Variants in ADGRL2 observed in about 807,000 individuals in gnomAD.
The protein encoded by ADGRL2 is calcium-independent alpha-latrotoxin receptor 2.
In ADGRL2, 44 loss-of-function variants were observed where a neutral mutation model predicts 157.4. That is an observed-to-expected ratio of 0.28 (90% confidence interval 0.22 to 0.36). The LOEUF is 0.36. Among genes scored for constraint, ADGRL2 ranks in the 10% least tolerant of loss-of-function variants. The probability of loss-of-function intolerance (pLI) is 1.00; values close to 1 mark genes in which losing one functional copy is unlikely to be tolerated. For missense variants in ADGRL2, 1,510 were observed against 1,768.9 expected (o/e 0.85, Z 2.63); for synonymous variants, 585 against 624.7 (o/e 0.94, Z 0.95).
Position 81,338,165 on chromosome 1 carries a change from C to A in ADGRL2, c.-302+31656C>A, listed in dbSNP as rs143399031. Among the ~76,000 whole-genome samples, 454 of 152,250 alleles carry A rather than the reference C, an allele frequency of 3.0e-3. 2 individuals carry two copies. Among genetic ancestry groups the A allele is most frequent in the Non-Finnish European group, 3.7e-3 (250 of 68,024 alleles). ...ATCACCTGAGGTCAGAAGTTCGCGA[C>A]CAGCCTGGACAACATGGCAAAATCC... is the stretch of plus-strand genomic sequence containing the variant. On this transcript the variant is annotated intron_variant, in intron 1 of 24. Transcript: ENST00000370721.
chr1:81,343,979 G>A (rs1256773663), intron 1 of ADGRL2, among the ~76,000 whole-genome samples: 1 of 152,104 alleles, frequency 6.6e-6, no homozygotes, highest in Non-Finnish European at 1.5e-5. Flanking sequence ...TAGTTTAAGG[G>A]AGTAAAACAC....
At chr1:81,338,005 ATT>A (rs1661775640) in intron 1 of ADGRL2, among the ~76,000 whole-genome samples, 1 of 152,138 alleles carries the variant, frequency 6.6e-6, no homozygotes, top group Non-Finnish European at 1.5e-5. Context: ...TAATATATAT[ATT>A]TGTTTTATAC....
rs143247021 is a variant in ADGRL2, at chr1:81,384,473, T to C, written c.-301-60563T>C. On this transcript the variant is annotated intron_variant, in intron 1 of 24. Transcript: ENST00000370721. ...ATAGAAAGGAGTGGGTATGTGAAGG[T>C]AGGAAAAAATATTTCTACTTTTCTC... is the stretch of plus-strand genomic sequence containing the variant. Among the ~76,000 whole-genome samples, 401 of 152,262 alleles carry C rather than the reference T, an allele frequency of 2.6e-3. 5 individuals carry two copies. Among genetic ancestry groups the C allele is most frequent in the Admixed American group, 0.022 (336 of 15,300 alleles).
chr1:81,384,234 C>G (rs1447306593), intron 1 of ADGRL2, among the ~76,000 whole-genome samples: 1 of 152,028 alleles, frequency 6.6e-6, no homozygotes, highest in Non-Finnish European at 1.5e-5. Context: ...GTTATGCAGC[C>G]CTTAAAAATG....
chr1:81,910,522 C>A (rs1557893402), intron 3 of ADGRL2, among the ~76,000 whole-genome samples: 1 of 151,466 alleles, frequency 6.6e-6, no homozygotes, highest in Non-Finnish European at 1.5e-5. Flanking sequence ...AATGATACCT[C>A]TTAACTGGAC....
intron 3 of ADGRL2, among the ~76,000 whole-genome samples, chr1:81,616,030 C>G (rs922287981): frequency 1.3e-5 from 2 of 151,722 alleles, no homozygotes; most frequent in African/African-American, 4.9e-5. Context: ...GCACTCAAGC[C>G]TCACCCTTCC....
At chr1:81,661,866 T>C (rs766056903) in intron 3 of ADGRL2, among the ~76,000 whole-genome samples, 5 of 152,164 alleles carry the variant, frequency 3.3e-5, no homozygotes, top group Non-Finnish European at 7.4e-5. Context: ...TCCCTAATGC[T>C]GCACCCCCAT....
chr1:81,850,065 C>T (rs2092944820), intron 2 of ADGRL2, among the ~76,000 whole-genome samples: 1 of 151,930 alleles, frequency 6.6e-6, no homozygotes, highest in Admixed American at 6.6e-5. Context: ...CTCCCCACTA[C>T]AAACAGCCAC....
At chr1:81,450,531 G>A (rs2077684032) in intron 2 of ADGRL2, among the ~76,000 whole-genome samples, 1 of 152,086 alleles carries the variant, frequency 6.6e-6, no homozygotes. Context: ...ATCTCTCTGA[G>A]ACCGAAGGCT....
At chr1:81,962,950 A>C (rs908283990) in intron 11 of ADGRL2, among the ~76,000 whole-genome samples, 1 of 152,128 alleles carries the variant, frequency 6.6e-6, no homozygotes, top group Non-Finnish European at 1.5e-5. Flanking sequence ...ATCCAGTTCC[A>C]GACACAAAAA....
chr1:81,936,350 T>C (rs138390873), intron 3 of ADGRL2, among the ~76,000 whole-genome samples: 2,499 of 152,036 alleles, frequency 0.016, 45 homozygotes, highest in South Asian at 0.06. Flanking sequence ...AATTGTAATC[T>C]TAATTCTTAA....
At chr1:81,327,627 T>C (rs1423171193) in intron 1 of ADGRL2, among the ~76,000 whole-genome samples, 2 of 152,212 alleles carry the variant, frequency 1.3e-5, no homozygotes, top group African/African-American at 4.8e-5. Flanking sequence ...TAATAAGGTT[T>C]ATTAATTTTA....
chr1:81,775,631 G>A (rs1174421991), intron 2 of ADGRL2, among the ~76,000 whole-genome samples: 1 of 151,852 alleles, frequency 6.6e-6, no homozygotes, highest in Admixed American at 6.6e-5. Context: ...TAAAATGGAG[G>A]CAAAGAGACA....
chr1:81,449,857 T>C (rs1375770103), intron 2 of ADGRL2, among the ~76,000 whole-genome samples: 1 of 152,094 alleles, frequency 6.6e-6, no homozygotes, highest in Non-Finnish European at 1.5e-5. Flanking sequence ...TCCCAAGGTG[T>C]TGGGATTACA....
chr1:81,786,854 T>C (rs1470315604), intron 2 of ADGRL2, among the ~76,000 whole-genome samples: 1 of 152,162 alleles, frequency 6.6e-6, no homozygotes, highest in Non-Finnish European at 1.5e-5. Context: ...TTTACTTCCA[T>C]TTGTTTGATT....
At chr1:81,782,330 T>C (rs1424956954) in intron 2 of ADGRL2, among the ~76,000 whole-genome samples, 1 of 152,190 alleles carries the variant, frequency 6.6e-6, no homozygotes, top group East Asian at 1.9e-4. Flanking sequence ...AGAGCACACA[T>C]CTTCAAATAA....
At chr1:81,573,056 A>G (rs1000132377) in intron 2 of ADGRL2, among the ~76,000 whole-genome samples, 1 of 152,034 alleles carries the variant, frequency 6.6e-6, no homozygotes, top group African/African-American at 2.4e-5. Context: ...TAAGTGAAAT[A>G]TTAAATAAAT....
At chr1:81,841,492 C>T (rs542793414) in intron 2 of ADGRL2, among the ~76,000 whole-genome samples, 2 of 152,054 alleles carry the variant, frequency 1.3e-5, no homozygotes, top group Admixed American at 1.3e-4. Context: ...TAGATATTTC[C>T]TTCAGAATGG....
In ADGRL2 at chr1:81,805,730, TAA is replaced by T. The variant is rs5775635; in HGVS notation, c.-101+4676_-101+4677del. On this transcript the variant is annotated intron_variant, in intron 1 of 23. Transcript: ENST00000686636. ...CTTGTCTAGGAAGTACTTTAGTGGT[TAA>T]AAAAAAAAAAAAAGGCCACATTGAT... is the stretch of plus-strand genomic sequence containing the variant. Among the ~76,000 whole-genome samples the T allele has an allele frequency of 3.0e-3, 411 of 137,452 alleles. 4 individuals carry two copies. The East Asian group carries it at 0.031, about 10-fold the overall frequency. The allele number at this position is 137,452 out of a possible 152,430, so 90.2% of individuals were successfully genotyped here.
Sources: gnomAD v4.1 joint callset for allele counts (sites outside exome capture counted in the v4.1 genomes callset) on GRCh38, gnomAD v4.1.1 for gene constraint, MANE v1.5 for transcripts, NCBI Gene and HGNC (gene_info 2026-07-23, HGNC 2026-07-21) for gene names.